Variants in RYR3 observed in about 807,000 individuals in gnomAD.
The protein encoded by RYR3 is brain ryanodine receptor-calcium release channel.
In RYR3, 207 loss-of-function variants were observed where a neutral mutation model predicts 584.3. That is an observed-to-expected ratio of 0.35 (90% CI 0.32 to 0.40). The LOEUF (loss-of-function observed/expected upper bound fraction) is 0.40, where lower values mean the gene tolerates loss of function less well. Among genes scored for constraint, RYR3 ranks in the 10% least tolerant of loss-of-function variants. The probability of loss-of-function intolerance (pLI) is 1.00; values close to 1 mark genes in which losing one functional copy is unlikely to be tolerated. For synonymous variants in RYR3, 2,416 were observed against 2,248.5 expected, an observed-to-expected ratio of 1.07 and a Z score of -2.11; for missense variants, 5,616 against 6,089.2, an observed-to-expected ratio of 0.92 and a Z score of 2.59.
At chr15:33,642,417 A>G (rs1595939009) in intron 27 of RYR3, among the ~76,000 whole-genome samples, 1 of 152,052 alleles carries the variant, frequency 6.6e-6, no homozygotes, top group South Asian at 2.1e-4. Context: ...TGGTCTAGTT[A>G]CCTCCCTTAG....
At chr15:33,816,991 G>A (rs1406481766) in intron 75 of RYR3, 33 bp downstream of exon 75, 1 of 1,315,314 alleles carries the variant, frequency 7.6e-7, no homozygotes, top group Middle Eastern at 1.8e-4. Flanking sequence ...GCAGATATGA[G>A]TGTGGATGAA....
At chr15:33,658,695 C>T (rs2062963843) in intron 32 of RYR3, among the ~76,000 whole-genome samples, 1 of 152,176 alleles carries the variant, frequency 6.6e-6, no homozygotes, top group Admixed American at 6.5e-5. Context: ...TTCCATCATC[C>T]TCCAGTGACT....
At chr15:33,454,175 A>G (rs899264755) in intron 1 of RYR3, among the ~76,000 whole-genome samples, 2 of 152,196 alleles carry the variant, frequency 1.3e-5, no homozygotes. Context: ...TTCTGTTGAC[A>G]TGGAGCATCC....
intron 1 of RYR3, among the ~76,000 whole-genome samples, chr15:33,359,464 A>G (rs1004464646): frequency 6.6e-6 from 1 of 152,002 alleles, no homozygotes; most frequent in Non-Finnish European, 1.5e-5. Flanking sequence ...GGGCCTTTGC[A>G]TGTCCTGTTG....
rs1443956181 is a variant in RYR3 at position 33,746,091 on chromosome 15, G to T, written c.7923G>T (p.Gly2641=). 6 of 1,598,340 alleles carry T rather than the reference G, an allele frequency of 3.8e-6. No individual in the cohort carries two copies. Among genetic ancestry groups the T allele is most frequent in the Non-Finnish European group, 3.4e-6 (4 of 1,172,082 alleles). The change falls in exon 53 of 104, where the codon GGG becomes GGT. Residue 2641 remains glycine, a synonymous_variant. Transcript: ENST00000634891. ...AGAGTCAGAGTGGATGGAAATATGG[G>T]ATTTCCCTGGATGAAAATGTGAAGA... ...CDKSQSGWKY[G]ISLDENVKTH...
chr15:33,854,618 C>A, intron 97 of RYR3, 148 bp from the exon 98 acceptor site: 1 of 1,125,780 alleles, frequency 8.9e-7, no homozygotes, highest in Non-Finnish European at 1.3e-6. Flanking sequence ...AGATGGGGCT[C>A]ACTTAGCAGA....
At chr15:33,553,969 T>C (rs561685149) in intron 10 of RYR3, among the ~76,000 whole-genome samples, 2 of 152,306 alleles carry the variant, frequency 1.3e-5, no homozygotes, top group South Asian at 2.1e-4. Flanking sequence ...TTGGAACATA[T>C]TTGTTTTTTT....
chr15:33,810,536 A>T lies in RYR3; in HGVS notation c.10084A>T (p.Ile3362Phe), dbSNP rs745440155. The T allele has an allele frequency of 2.5e-6, 4 of 1,614,006 alleles. No homozygotes were observed. Among genetic ancestry groups the T allele is most frequent in the Non-Finnish European group, 2.5e-6 (3 of 1,179,876 alleles). ...AAAGCGGCGGGGAGACTTGTATTCCATCCAGACCTCCCTCATCGTGGCTGC... is the reference window on the plus strand; with the variant it reads ...AAAGCGGCGGGGAGACTTGTATTCCTTCCAGACCTCCCTCATCGTGGCTGC... ...KTKRRGDLYS[I>F]QTSLIVAALK... Residue 3362 changes from isoleucine (I) to phenylalanine (F), a missense_variant, in exon 71 of 104, where the codon ATC (isoleucine) becomes TTC (phenylalanine). By Grantham distance (21) the Ile-to-Phe change is conservative. This residue lies in a region of RYR3 where 954 missense variants were observed against 1,132.2 expected (regional missense o/e 0.84). Coordinates refer to ENST00000634891, the MANE Select transcript of RYR3 (RefSeq NM_001036.6).
chr15:33,624,182 C>T (rs2060866629), intron 20 of RYR3, among the ~76,000 whole-genome samples, 159 bp downstream of exon 20: 1 of 152,220 alleles, frequency 6.6e-6, no homozygotes, highest in African/African-American at 2.4e-5. Flanking sequence ...CCATGTGTGT[C>T]AATTGGGTCT....
rs1323057695 is a variant in RYR3 at position 33,633,182 on chromosome 15, T to C, written c.3027+74T>C. On this transcript the variant is annotated intron_variant, in intron 24 of 103. Coordinates refer to ENST00000634891, the MANE Select transcript of RYR3 (RefSeq NM_001036.6). ...ATCCACGTGCCGTTTTGCTTTGGTG[T>C]GTGTTAGATCAGAAGGAAGAGTTTG... is the stretch of plus-strand genomic sequence containing the variant. 19 of 1,509,836 alleles carry C rather than the reference T, an allele frequency of 1.3e-5. 1 individual carries two copies. The South Asian group carries it at 1.9e-4, about 15-fold the overall frequency. 93.5% of individuals were successfully genotyped at this position (1,509,836 alleles called of 1,614,324 possible).
At chr15:33,373,262 C>T (rs2040477975) in intron 1 of RYR3, among the ~76,000 whole-genome samples, 1 of 152,214 alleles carries the variant, frequency 6.6e-6, no homozygotes, top group African/African-American at 2.4e-5. Flanking sequence ...ACAGTCCTTA[C>T]ATCTTTCCTC....
intron 1 of RYR3, chr15:33,465,884 C>T: frequency 2.1e-6 from 1 of 473,418 alleles, no homozygotes; most frequent in South Asian, 1.6e-5. Context: ...TCTCTTCCTC[C>T]CTTCCTTTCT....
chr15:33,769,871 C>T (rs2073423018), intron 62 of RYR3, among the ~76,000 whole-genome samples: 2 of 152,080 alleles, frequency 1.3e-5, no homozygotes, highest in South Asian at 2.1e-4. Context: ...ATGGCTTGAG[C>T]CCAGGAGGTG....
chr15:33,703,436 C>T (rs1482445212), intron 42 of RYR3, among the ~76,000 whole-genome samples: 1 of 152,178 alleles, frequency 6.6e-6, no homozygotes, highest in Non-Finnish European at 1.5e-5. Flanking sequence ...TCTTCTGAGG[C>T]TTCACCTCCT....
chr15:33,433,870 G>T (rs1194414963), intron 1 of RYR3, among the ~76,000 whole-genome samples: 9 of 152,136 alleles, frequency 5.9e-5, no homozygotes, highest in Non-Finnish European at 1.2e-4. Context: ...CCATTTTCCA[G>T]ATTGGCAGAC....
chr15:33,326,901 GC>G (rs756749523), intron 1 of RYR3, among the ~76,000 whole-genome samples: 71 of 151,990 alleles, frequency 4.7e-4, no homozygotes, highest in Admixed American at 3.0e-3. Context: ...TATGAAGGAT[GC>G]TTTTTATATT....
intron 85 of RYR3, among the ~76,000 whole-genome samples, chr15:33,829,311 G>T (rs1399724550): frequency 6.6e-6 from 1 of 152,152 alleles, no homozygotes; most frequent in Non-Finnish European, 1.5e-5. Flanking sequence ...ATGGATCAAG[G>T]AGTAATTTTG....
chr15:33,387,931 A>AG (rs1491554796), intron 1 of RYR3, among the ~76,000 whole-genome samples: 2 of 151,550 alleles, frequency 1.3e-5, no homozygotes, highest in Non-Finnish European at 2.9e-5. Flanking sequence ...AAGAAAGAAC[A>AG]GAGGAAAGAA....
chr15:33,624,224 G>A (rs1595875764), intron 20 of RYR3, among the ~76,000 whole-genome samples: 1 of 152,244 alleles, frequency 6.6e-6, no homozygotes, highest in Admixed American at 6.5e-5. Flanking sequence ...AACATGTTGA[G>A]CACCTGCTAC....
Sources: allele counts gnomAD v4.1 joint callset (sites outside exome capture counted in the v4.1 genomes callset), GRCh38; gene constraint gnomAD v4.1.1; regional missense constraint gnomAD v4.1.1; transcripts MANE v1.5; gene names NCBI Gene and HGNC (gene_info 2026-07-23, HGNC 2026-07-21).